Variants in IHO1 observed in about 807,000 individuals in gnomAD.
IHO1 encodes interactor of HORMAD1 protein 1.
A neutral mutation model predicts 31.0 loss-of-function variants in IHO1; 13 were observed. The ratio of observed to expected loss-of-function variants is 0.42; its 90% CI spans 0.27 to 0.67. The LOEUF is 0.67. IHO1 is among the 30% of genes least tolerant of loss of function. IHO1 has a pLI of 0.24. For missense variants in IHO1, 599 were observed against 687.5 expected, an observed-to-expected ratio of 0.87 and a Z score of 1.44; for synonymous variants, 221 against 248.4, an observed-to-expected ratio of 0.89 and a Z score of 1.04.
intron 3 of IHO1, among the ~76,000 whole-genome samples, chr3:49,240,194 T>C (rs1056458615): frequency 6.6e-6 from 1 of 152,036 alleles, no homozygotes; most frequent in African/African-American, 2.4e-5. Flanking sequence ...TACAGGTGTG[T>C]GCCACCACGC....
At position 49,205,550 on chromosome 3, in the gene IHO1, A is replaced by ACCGGC. The variant is rs573024501; in HGVS notation, c.-16+5979_-16+5980insGGCCC. ...TGACCAGGCTGGTCTCGAATTGCTG[A>ACCGGC]CCTCGAGTGCTGCGATTACAGCGTG... On this transcript the variant is annotated intron_variant, in intron 1 of 7. Coordinates refer to ENST00000452691, the MANE Select transcript of IHO1 (RefSeq NM_001135197.2). 4.7e-5 allele frequency among the ~76,000 whole-genome samples: 7 copies of ACCGGC among 149,884 alleles called. No homozygotes were observed. The East Asian group carries it at 1.2e-3, about 25-fold the overall frequency.
Position 49,257,883 on chromosome 3 carries a change from A to C in IHO1, c.*601A>C, listed in dbSNP as rs1296569294. Reference sequence around the variant, plus strand: ...GTGACATTCACTAGCAAATGTCCAGAGCATATCACTGCTCACAAGCCATTT... The same window carrying C: ...GTGACATTCACTAGCAAATGTCCAGCGCATATCACTGCTCACAAGCCATTT... On this transcript the variant is annotated 3_prime_UTR_variant, in exon 8 of 8. Transcript: ENST00000452691. The C allele has an allele frequency of 6.6e-6, 1 of 152,462 alleles. No individual in the cohort carries two copies. The highest frequency in any genetic ancestry group is 6.5e-5 in the Admixed American group (1 of 15,270). 9.4% of individuals were successfully genotyped at this position (152,462 alleles called of 1,614,324 possible).
chr3:49,256,983 C>T lies in IHO1; in HGVS notation c.1486C>T (p.Arg496Cys), dbSNP rs138163345. The part of the protein sequence containing the change: ...QSPFLGQQEP[R>C]AQPLHLQCPR... ...CCCCTTCCTGGGGCAGCAGGAACCC[C>T]GTGCTCAGCCTCTGCATCTGCAGTG... is the stretch of plus-strand genomic sequence containing the variant. Residue 496 changes from arginine (R) to cysteine (C), a missense_variant, in exon 8 of 8, where the codon CGT (arginine) becomes TGT (cysteine). Physicochemically the swap from Arg to Cys is radical, Grantham distance 180. Coordinates refer to ENST00000452691, the MANE Select transcript of IHO1 (RefSeq NM_001135197.2). This position sits in a 1 kb window ranked among gnomAD's most constrained non-coding sequence, Gnocchi z 4.6. 1.1e-5 allele frequency: 18 copies of T among 1,614,074 alleles called. No individual in the cohort carries two copies. The highest frequency in any genetic ancestry group is 3.3e-4 in the Middle Eastern group (2 of 6,084).
At position 49,257,246 on chromosome 3, in the gene IHO1, C is replaced by G; in HGVS notation, c.1749C>G (p.Asp583Glu). ...AGGCAGGAAAGAATTTGCTCTATGA[C>G]CTGGGTTTTGATAGCAGTGATGATG... ...CKEAGKNLLY[D>E]LGFDSSDDDG... Residue 583 changes from aspartate (D) to glutamate (E), a missense_variant, in exon 8 of 8, where the codon GAC (aspartate) becomes GAG (glutamate). By Grantham distance (45) the Asp-to-Glu change is conservative. Coordinates refer to ENST00000452691, the MANE Select transcript of IHO1 (RefSeq NM_001135197.2). The G allele has an allele frequency of 6.2e-7, 1 of 1,614,110 alleles. No homozygotes were observed. The highest frequency in any genetic ancestry group is 8.5e-7 in the Non-Finnish European group (1 of 1,179,988).
At chr3:49,250,189 C>T (rs887941482) in intron 6 of IHO1, among the ~76,000 whole-genome samples, 5 of 152,112 alleles carry the variant, frequency 3.3e-5, no homozygotes, top group African/African-American at 1.2e-4. Context: ...ATTCCAGAAA[C>T]CGATGATAAT....
intron 1 of IHO1, among the ~76,000 whole-genome samples, chr3:49,203,492 C>T (rs1479108442): frequency 6.6e-6 from 1 of 152,160 alleles, no homozygotes; most frequent in Non-Finnish European, 1.5e-5. Context: ...TACTGTAACT[C>T]TGGCTGCTTT....
intron 2 of IHO1, among the ~76,000 whole-genome samples, chr3:49,225,283 G>C (rs532039291): frequency 1.3e-5 from 2 of 152,280 alleles, no homozygotes; most frequent in South Asian, 4.1e-4. Flanking sequence ...GACCAACATG[G>C]TGAAACCCCG....
chr3:49,191,938 C>A, the IHO1 span: 1 of 681,496 alleles, frequency 1.5e-6, no homozygotes, highest in Non-Finnish European at 2.5e-6. Context: ...ACCTGTTGCC[C>A]CTTTGTCCTT....
chr3:49,256,676 C>G lies in IHO1; in HGVS notation c.1179C>G (p.Leu393=). 2 of 1,614,214 alleles carry G rather than the reference C, an allele frequency of 1.2e-6. No individual in the cohort carries two copies. Among genetic ancestry groups the G allele is most frequent in the South Asian group, 1.1e-5 (1 of 91,086 alleles). ...RDLVSQGASQ[L]TSLEINFSTS... is the part of the protein sequence containing the mutation. ...TGGTTTCCCAAGGAGCCTCACAGCT[C>G]ACATCATTGGAGATAAACTTTTCAA... is the stretch of plus-strand genomic sequence containing the variant. Residue 393 remains leucine (L), a synonymous_variant, in exon 8 of 8, where the codon CTC becomes CTG. Transcript: ENST00000452691. The surrounding 1 kb of genome is among the most constrained non-coding windows in gnomAD (Gnocchi z 4.6).
intron 2 of IHO1, among the ~76,000 whole-genome samples, chr3:49,221,836 G>A (rs1360498747): frequency 6.6e-6 from 1 of 152,230 alleles, no homozygotes; most frequent in Non-Finnish European, 1.5e-5. Context: ...GGCCTAGAAA[G>A]GGGAGAAGCC....
the IHO1 span, among the ~76,000 whole-genome samples, chr3:49,193,296 C>A: frequency 6.6e-6 from 1 of 150,602 alleles, no homozygotes; most frequent in South Asian, 2.1e-4. Context: ...CACTTGAGCC[C>A]GGGAAGTGGA....
upstream of IHO1, among the ~76,000 whole-genome samples, chr3:49,197,967 A>G (rs1283464481): frequency 6.6e-6 from 1 of 151,864 alleles, no homozygotes; most frequent in African/African-American, 2.4e-5. Flanking sequence ...TCCTTATGGC[A>G]CTCATTTGCC....
At chr3:49,235,756 C>T (rs1224718327) in intron 2 of IHO1, among the ~76,000 whole-genome samples, 1 of 150,936 alleles carries the variant, frequency 6.6e-6, no homozygotes, top group East Asian at 2.0e-4. Context: ...ATGGTGAAAC[C>T]CCATCTCTAT....
At chr3:49,255,547 CCAGA>C (rs2046812171) in intron 7 of IHO1, 54 bp downstream of exon 7, 13 of 1,106,888 alleles carry the variant, frequency 1.2e-5, no homozygotes, top group Non-Finnish European at 1.7e-5. Flanking sequence ...TGAACTAGAC[CCAGA>C]GAGAAACTTT....
intron 2 of IHO1, among the ~76,000 whole-genome samples, chr3:49,221,221 C>T (rs535755281): frequency 2.0e-5 from 3 of 150,076 alleles, no homozygotes; most frequent in Non-Finnish European, 3.0e-5. Context: ...AGACACAGAG[C>T]GCTGATTGGT....
At chr3:49,243,280 C>T (rs2046653141) in intron 4 of IHO1, among the ~76,000 whole-genome samples, 1 of 151,946 alleles carries the variant, frequency 6.6e-6, no homozygotes, top group Admixed American at 6.6e-5. Flanking sequence ...GTAGCTGGGA[C>T]CACAGGCGCG....
chr3:49,254,445 A>G (rs996008886), intron 6 of IHO1, among the ~76,000 whole-genome samples: 14 of 152,260 alleles, frequency 9.2e-5, no homozygotes, highest in African/African-American at 3.4e-4. Flanking sequence ...GGTAGGGCAC[A>G]TACACGGTGC....
In IHO1 at chr3:49,199,538, G is replaced by GC. The variant is rs2046026290; in HGVS notation, c.-51_-50insC. ...CGCGGCCACCTCGAAGCCACGTCAG[G>GC]GCAGCCCCAGGTCGGGCGCGTGCCA... On this transcript the variant is annotated 5_prime_UTR_variant, in exon 1 of 8. Transcript: ENST00000452691. The GC allele has an allele frequency of 1.3e-5, 2 of 152,090 alleles. No individual in the cohort carries two copies. Among genetic ancestry groups the GC allele is most frequent in the South Asian group, 4.2e-4 (2 of 4,814 alleles). The allele number at this position is 152,090 out of a possible 1,614,324, so 9.4% of individuals were successfully genotyped here.
intron 3 of IHO1, 116 bp downstream of exon 3, chr3:49,236,838 TG>T: frequency 1.0e-6 from 1 of 982,292 alleles, no homozygotes; most frequent in Non-Finnish European, 1.5e-6. Flanking sequence ...TCCCTGCACT[TG>T]GGGAGGCTGA....
Sources: gnomAD v4.1 joint callset for allele counts (sites outside exome capture counted in the v4.1 genomes callset) on GRCh38, gnomAD v4.1.1 for gene constraint, Gnocchi (gnomAD v3.1) non-coding constraint, MANE v1.5 for transcripts, NCBI Gene and HGNC (gene_info 2026-07-23, HGNC 2026-07-21) for gene names.